TEX15: variants seen among roughly 807,000 people sequenced by gnomAD.
The protein encoded by TEX15 is testis-expressed protein 15.
In TEX15, 171 loss-of-function variants were observed where a neutral mutation model predicts 237.3. The ratio of observed to expected loss-of-function variants is 0.72; its 90% CI spans 0.64 to 0.82. The LOEUF is 0.82. TEX15 is among the 40% of genes least tolerant of loss of function. The pLI is 0.00. For synonymous variants in TEX15, 1,338 were observed against 1,269.8 expected (o/e 1.05, Z -1.14); for missense variants, 3,750 against 3,646.5 (o/e 1.03, Z -0.73).
chr8:30,845,034 T>C lies in TEX15; in HGVS notation c.5133A>G (p.Ala1711=). 1 of 1,613,614 alleles carries C rather than the reference T, an allele frequency of 6.2e-7. No individual in the cohort carries two copies. ...ACTGAGGAATACTGTACTTTTTACT[T>C]GCTATCAAAGTTAGGTTTAATGGGC... is the stretch of plus-strand genomic sequence containing the variant. The part of the protein sequence containing the change: ...LMGPLNLTLI[A]SKKYSIPQLS... Residue 1711 remains alanine, a synonymous_variant, in exon 8 of 11, where the codon GCA becomes GCG. Transcript: ENST00000643185.
intron 9 of TEX15, among the ~76,000 whole-genome samples, chr8:30,838,817 T>TGCCCACAGA (rs1807377554): frequency 1.1e-5 from 1 of 93,852 alleles, no homozygotes; most frequent in Non-Finnish European, 2.2e-5. Flanking sequence ...TATATATATA[T>TGCCCACAGA]ATATGAATTT....
Position 30,838,070 on chromosome 8 carries a change from T to C in TEX15, c.8223-9A>G, listed in dbSNP as rs759485960. 5.1e-6 allele frequency: 8 copies of C among 1,571,770 alleles called. No individual in the cohort carries two copies. The highest frequency in any genetic ancestry group is 6.9e-6 in the Non-Finnish European group (8 of 1,165,548). On this transcript the variant is annotated splice_polypyrimidine_tract_variant and intron_variant, in intron 9 of 10. Coordinates refer to ENST00000643185, the MANE Select transcript of TEX15 (RefSeq NM_001350162.2). ...GATGAGATCCTGTAGTCCTATTAGG[T>C]GCAACACATACATAAAAATGAATTT...
chr8:30,854,648 G>A (rs762183134), intron 7 of TEX15, among the ~76,000 whole-genome samples: 36 of 151,792 alleles, frequency 2.4e-4, no homozygotes, highest in Non-Finnish European at 4.1e-4. Context: ...TCATCCTATG[G>A]AACAATATTA....
intron 5 of TEX15, among the ~76,000 whole-genome samples, chr8:30,864,180 T>C (rs1004390712): frequency 5.3e-5 from 8 of 151,518 alleles, no homozygotes; most frequent in Admixed American, 4.6e-4. Context: ...AACAGCTCTC[T>C]AGAGGGGTTC....
At position 30,842,117 on chromosome 8, in the gene TEX15, T is replaced by C. The variant is rs1006329854; in HGVS notation, c.8050A>G (p.Ile2684Val). 2 of 1,613,706 alleles carry C rather than the reference T, an allele frequency of 1.2e-6. No individual in the cohort carries two copies. The highest frequency in any genetic ancestry group is 1.7e-4 in the Middle Eastern group (1 of 6,058). Residue 2684 changes from isoleucine (I) to valine (V), a missense_variant, in exon 8 of 11, where the codon ATA becomes GTA. Ile to Val is a conservative substitution (Grantham distance 29). Transcript: ENST00000643185. Reference protein sequence around the residue: ...STMLPPVSECINKNISNSSKK... With the variant: ...STMLPPVSECVNKNISNSSKK... ...GAGGAATTTGAGATGTTTTTGTTTA[T>C]GCACTCTGATACTGGGGGCAACATC...
At chr8:30,888,642 G>T (rs1175244462) in intron 2 of TEX15, 3 of 1,289,586 alleles carry the variant, frequency 2.3e-6, no homozygotes, top group Middle Eastern at 2.1e-4. Flanking sequence ...GTACCATTTC[G>T]TAACATGGTT....
chr8:30,902,233 T>C (rs1006020819), intron 1 of TEX15, among the ~76,000 whole-genome samples: 1 of 152,084 alleles, frequency 6.6e-6, no homozygotes, highest in African/African-American at 2.4e-5. Context: ...CCTTTTTTTT[T>C]TTTTTTCCTT....
chr8:30,836,822 T>C lies in TEX15; in HGVS notation c.9462A>G (p.Pro3154=), dbSNP rs142159772. Residue 3154 remains proline, a synonymous_variant, in exon 10 of 11, where the codon CCA becomes CCG. Transcript: ENST00000643185. ...ACTCACCATAAACCCAAGGAACTTC[T>C]GGAGGCACAAATCGATTAGGAAGGT... ...YPYLPNRFVP[P]EVPWVYAPWH... is the part of the protein sequence containing the mutation. 7.7e-3 allele frequency: 12,440 copies of C among 1,607,032 alleles called. 70 individuals are homozygous for C. The highest frequency in any genetic ancestry group is 9.5e-3 in the Non-Finnish European group (11,150 of 1,176,876).
At position 30,843,488 on chromosome 8, in the gene TEX15, T is replaced by C. The variant is rs1190266196; in HGVS notation, c.6679A>G (p.Lys2227Glu). 9.9e-6 allele frequency: 16 copies of C among 1,612,922 alleles called. No homozygotes were observed. The highest frequency in any genetic ancestry group is 2.7e-5 in the African/African-American group (2 of 74,872). ...KLINVCGDSPKVHSYPGKQDH... is the reference protein window; with the variant it reads ...KLINVCGDSPEVHSYPGKQDH... ...TGTTTTCCTGGATACGAATGAACTT[T>C]AGGAGAGTCCCCACATACATTGATC... The change falls in exon 8 of 11, where the codon AAA becomes GAA. Residue 2227 changes from lysine (K) to glutamate (E), a missense_variant. Lys to Glu is a moderately conservative substitution (Grantham distance 56). Coordinates refer to ENST00000643185, the MANE Select transcript of TEX15 (RefSeq NM_001350162.2).
In TEX15 at chr8:30,845,827, G is replaced by A. The variant is rs746972978; in HGVS notation, c.4340C>T (p.Ser1447Leu). 5.4e-5 allele frequency: 86 copies of A among 1,606,564 alleles called. No individual in the cohort carries two copies. Among genetic ancestry groups the A allele is most frequent in the Middle Eastern group, 1.7e-4 (1 of 5,994 alleles). Residue 1447 changes from serine to leucine, a missense_variant, in exon 8 of 11, where the codon TCG becomes TTG. Coordinates refer to ENST00000643185, the MANE Select transcript of TEX15 (RefSeq NM_001350162.2). ...QRKYYSTKHF[S>L]SKRKYDKRRK... ...CCGTTTGTCATATTTTCTTTTTGAC[G>A]AAAAATGCTTAGTAGAATAATATTT...
chr8:30,867,311 T>C lies in TEX15; in HGVS notation c.494A>G (p.Tyr165Cys). 2.0e-6 allele frequency: 3 copies of C among 1,521,706 alleles called. No homozygotes were observed. The South Asian group carries it at 3.6e-5, about 18-fold the overall frequency. The allele number at this position is 1,521,706 out of a possible 1,614,324, so 94.3% of individuals were successfully genotyped here. The stretch of plus-strand genomic sequence containing the variant: ...TACAGTAATGCTTTGACTATGAGAA[T>C]AATTCAAGGCAATATCAACATGTCT... ...MFRHVDIALN[Y>C]SHSQSITVES... Residue 165 changes from tyrosine (Y) to cysteine (C), a missense_variant, in exon 5 of 11, where the codon TAT becomes TGT. Coordinates refer to ENST00000643185, the MANE Select transcript of TEX15 (RefSeq NM_001350162.2).
chr8:30,904,482 T>C (rs1809060992), intron 1 of TEX15, among the ~76,000 whole-genome samples: 1 of 150,854 alleles, frequency 6.6e-6, no homozygotes, highest in Admixed American at 6.6e-5. Flanking sequence ...ATTTAAACCC[T>C]GAAATTGGTC....
intron 1 of TEX15, 142 bp from the exon 2 acceptor site, chr8:30,898,959 G>A (rs982991920): frequency 1.3e-5 from 2 of 151,958 alleles, no homozygotes; most frequent in South Asian, 2.1e-4. Context: ...GTTCCATTCT[G>A]GGGGAGGGAG....
chr8:30,870,782 A>G (rs924574254), intron 4 of TEX15, among the ~76,000 whole-genome samples: 2 of 152,090 alleles, frequency 1.3e-5, no homozygotes, highest in Non-Finnish European at 2.9e-5. Flanking sequence ...CTTTGCTGTT[A>G]TAACAAATTC....
chr8:30,841,253 A>G (rs1807446869), intron 8 of TEX15, among the ~76,000 whole-genome samples: 1 of 152,286 alleles, frequency 6.6e-6, no homozygotes, highest in South Asian at 2.1e-4. Context: ...TTCTGAACTA[A>G]GAAGTCTTGA....
At position 30,842,594 on chromosome 8, in the gene TEX15, T is replaced by A. The variant is rs761252962; in HGVS notation, c.7573A>T (p.Ile2525Phe). Residue 2525 changes from isoleucine to phenylalanine, a missense_variant, in exon 8 of 11, where the codon ATC becomes TTC. Transcript: ENST00000643185. ...TTAACAGCTTCATTATATTTGCAGA[T>A]AATATCCAGATCTTTCTTAAGTTCG... ...VSELKKDLDI[I>F]CKYNEAVNCS... 1 of 1,611,062 alleles carries A rather than the reference T, an allele frequency of 6.2e-7. No homozygotes were observed. Among genetic ancestry groups the A allele is most frequent in the South Asian group, 1.1e-5 (1 of 90,930 alleles).
chr8:30,857,386 T>G (rs1329022984), intron 7 of TEX15, among the ~76,000 whole-genome samples: 1 of 152,144 alleles, frequency 6.6e-6, no homozygotes, highest in Non-Finnish European at 1.5e-5. Flanking sequence ...AGTATTCTTA[T>G]GAAAGACACA....
At position 30,846,092 on chromosome 8, in the gene TEX15, T is replaced by A. The variant is rs755558156; in HGVS notation, c.4075A>T (p.Ser1359Cys). 1 of 1,613,504 alleles carries A rather than the reference T, an allele frequency of 6.2e-7. No homozygotes were observed. The highest frequency in any genetic ancestry group is 1.3e-5 in the African/African-American group (1 of 75,028). Residue 1359 changes from serine to cysteine, a missense_variant, in exon 8 of 11, where the codon AGT becomes TGT. Coordinates refer to ENST00000643185, the MANE Select transcript of TEX15 (RefSeq NM_001350162.2). ...TFSQSEKHIK[S>C]VLNILSDEAS... ...TCATCACTTAGGATATTTAGGACAC[T>A]CTTAATGTGCTTTTCTGACTGTGAA...
At chr8:30,880,733 G>A (rs955370695) in intron 3 of TEX15, among the ~76,000 whole-genome samples, 7 of 139,980 alleles carry the variant, frequency 5.0e-5, no homozygotes, top group Non-Finnish European at 1.1e-4. Context: ...TAGGCTATTT[G>A]TGTTAAAAGT....
Sources: allele counts gnomAD v4.1 joint callset (sites outside exome capture counted in the v4.1 genomes callset), GRCh38; gene constraint gnomAD v4.1.1; transcripts MANE v1.5; gene names NCBI Gene and HGNC (gene_info 2026-07-23, HGNC 2026-07-21).